The following AKAP9 variants were observed in gnomAD, a reference collection of about 807,000 sequenced individuals.
AKAP9 encodes the protein A-kinase anchor protein 9.
A neutral mutation model predicts 488.5 loss-of-function variants in AKAP9; 311 were observed. The ratio of observed to expected loss-of-function variants is 0.64; its 90% CI spans 0.58 to 0.70. The LOEUF is 0.70. Among genes scored for constraint, AKAP9 ranks in the 30% least tolerant of loss-of-function variants. AKAP9 has a pLI of 0.00. For synonymous variants in AKAP9, 1,462 were observed against 1,483.5 expected, an observed-to-expected ratio of 0.99 and a Z score of 0.33; for missense variants, 4,215 against 4,374.5, an observed-to-expected ratio of 0.96 and a Z score of 1.03.
At chr7:92,056,245 T>C (rs909767653) in intron 22 of AKAP9, among the ~76,000 whole-genome samples, 1 of 151,986 alleles carries the variant, frequency 6.6e-6, no homozygotes, top group Non-Finnish European at 1.5e-5. Flanking sequence ...TTATAAAGGG[T>C]TGTTTCTTAC....
intron 1 of AKAP9, among the ~76,000 whole-genome samples, chr7:91,960,043 T>C (rs570313536): frequency 3.3e-5 from 5 of 152,342 alleles, no homozygotes; most frequent in African/African-American, 1.2e-4. Flanking sequence ...TTAGCATTCA[T>C]GTTTATCATT....
chr7:92,079,576 A>G lies in AKAP9; in HGVS notation c.7443A>G (p.Thr2481=), dbSNP rs904558658. The change falls in exon 31 of 50, where the codon ACA becomes ACG. Residue 2481 remains threonine, a synonymous_variant. Transcript: ENST00000356239. ...EDALKSLENQ[T]YFKSFEENGK... ...CTCTTAAATCCCTAGAAAATCAGACATACTTCAAATCTTTTGAAGAAAATG... is the reference window on the plus strand; with the variant it reads ...CTCTTAAATCCCTAGAAAATCAGACGTACTTCAAATCTTTTGAAGAAAATG... The G allele has an allele frequency of 6.2e-7, 1 of 1,613,816 alleles. No homozygotes were observed. Among genetic ancestry groups the G allele is most frequent in the Non-Finnish European group, 8.5e-7 (1 of 1,179,990 alleles).
At chr7:92,083,047 T>G (rs1467203589) in intron 32 of AKAP9, 123 bp from the exon 33 acceptor site, 6 of 1,168,466 alleles carry the variant, frequency 5.1e-6, no homozygotes, top group Non-Finnish European at 1.2e-6. Context: ...ATGTTTTTCC[T>G]ACTACTCTGA....
chr7:92,037,634 A>G (rs539433216), intron 16 of AKAP9, among the ~76,000 whole-genome samples: 28 of 152,350 alleles, frequency 1.8e-4, no homozygotes, highest in African/African-American at 6.3e-4. Flanking sequence ...ATGGGAGGCT[A>G]GAATAAGCAG....
chr7:92,079,633 G>C lies in AKAP9; in HGVS notation c.7500G>C (p.Arg2500Ser), dbSNP rs760363140. ...GKGSIINLET[R>S]LLQLESTVSA... is the part of the protein sequence containing the mutation. ...GTTCCATAATTAATTTGGAAACAAG[G>C]TTGCTACAACTTGAGAGCACTGTTA... Residue 2500 changes from arginine (R) to serine (S), a missense_variant, in exon 31 of 50, where the codon AGG (arginine) becomes AGC (serine). Arg to Ser is a moderately radical substitution (Grantham distance 110). Transcript: ENST00000356239. 1 of 1,613,770 alleles carries C rather than the reference G, an allele frequency of 6.2e-7. No homozygotes were observed. The highest frequency in any genetic ancestry group is 8.5e-7 in the Non-Finnish European group (1 of 1,179,960).
At chr7:92,093,046 C>G (rs906151983) in intron 38 of AKAP9, 51 bp from the exon 39 acceptor site, 1 of 1,475,060 alleles carries the variant, frequency 6.8e-7, no homozygotes, top group African/African-American at 1.4e-5. Flanking sequence ...ATTTATAAAC[C>G]AAATATGAGT....
At chr7:92,077,035 G>T (rs373101085) in intron 29 of AKAP9, 28 bp downstream of exon 29, 1 of 1,321,288 alleles carries the variant, frequency 7.6e-7, no homozygotes, top group East Asian at 2.5e-5. Context: ...ACTTTTATCT[G>T]TAAATAAGTC....
chr7:91,969,287 T>A (rs759537360), intron 1 of AKAP9, among the ~76,000 whole-genome samples: 1 of 152,188 alleles, frequency 6.6e-6, no homozygotes, highest in East Asian at 1.9e-4. Flanking sequence ...ATACTTGATA[T>A]GATTTCTACC....
intron 18 of AKAP9, 127 bp downstream of exon 18, chr7:92,041,025 A>G (rs1384256190): frequency 1.4e-6 from 1 of 717,576 alleles, no homozygotes; most frequent in East Asian, 2.7e-5. Flanking sequence ...TTTTTGCCGA[A>G]ATCTGAATAA....
chr7:92,070,258 C>T, intron 27 of AKAP9, 52 bp downstream of exon 27: 6 of 1,554,318 alleles, frequency 3.9e-6, no homozygotes, highest in Non-Finnish European at 4.4e-6. Flanking sequence ...GAAGAATACT[C>T]TTAAATTGTC....
chr7:92,033,256 AAAAGACTCTTCT>A (rs543903706), intron 16 of AKAP9, among the ~76,000 whole-genome samples: 1 of 152,114 alleles, frequency 6.6e-6, no homozygotes, highest in Non-Finnish European at 1.5e-5. Context: ...ATTTAAAAAA[AAAAGACTCTTCT>A]AAATGCAGCC....
At chr7:91,998,893 ATAATAT>A (rs1798765732) in intron 7 of AKAP9, among the ~76,000 whole-genome samples, 1 of 152,148 alleles carries the variant, frequency 6.6e-6, no homozygotes, top group Admixed American at 6.5e-5. Flanking sequence ...AGAGGAAATA[ATAATAT>A]TTATATTGTA....
At chr7:92,089,871 G>T in intron 38 of AKAP9, 1 of 173,742 alleles carries the variant, frequency 5.8e-6, no homozygotes, top group South Asian at 1.5e-4. Context: ...CACAATGCAT[G>T]TAACTAATTA....
intron 28 of AKAP9, among the ~76,000 whole-genome samples, chr7:92,071,502 T>C (rs2130845229): frequency 6.6e-6 from 1 of 151,994 alleles, no homozygotes; most frequent in Admixed American, 6.6e-5. Flanking sequence ...AGTAAAGCAA[T>C]TAAGCAATTA....
rs76775274 is a variant in AKAP9 at position 92,083,733 on chromosome 7, T to C, written c.8646+78T>C. The C allele has an allele frequency of 0.013, 19,408 of 1,500,576 alleles. 163 individuals are homozygous for C. The highest frequency in any genetic ancestry group is 0.015 in the Non-Finnish European group (16,867 of 1,109,806). The allele number at this position is 1,500,576 out of a possible 1,614,324, so 93.0% of individuals were successfully genotyped here. ...AAAAAAATCAGTTTAATTCATTTTG[T>C]AGATGACAAACCAAAATGCAACTCA... On this transcript the variant is annotated intron_variant, in intron 33 of 49. Transcript: ENST00000356239.
intron 3 of AKAP9, among the ~76,000 whole-genome samples, chr7:91,990,512 C>T (rs993645759): frequency 1.3e-5 from 2 of 151,940 alleles, no homozygotes; most frequent in African/African-American, 4.8e-5. Flanking sequence ...TTTATTATAA[C>T]ATAAATATGT....
rs769545901 is a variant in AKAP9, at chr7:92,022,829, G to A, written c.3968G>A (p.Ser1323Asn). 6.3e-7 allele frequency: 1 copy of A among 1,594,924 alleles called. No homozygotes were observed. Among genetic ancestry groups the A allele is most frequent in the Middle Eastern group, 1.7e-4 (1 of 5,938 alleles). The change falls in exon 14 of 50, where the codon AGC becomes AAC. Residue 1323 changes from serine to asparagine, a missense_variant. Coordinates refer to ENST00000356239, the MANE Select transcript of AKAP9 (RefSeq NM_005751.5). ...TATAACATAGATGTCAATCATAAAA[G>A]CAAGTTATCTTCTCTGCAAGATCTT... ...NLEDIDVNHKSKLSSLQDLEK... is the reference protein window; with the variant it reads ...NLEDIDVNHKNKLSSLQDLEK...
At chr7:92,042,001 C>A in intron 18 of AKAP9, 45 bp from the exon 19 acceptor site, 2 of 1,602,486 alleles carry the variant, frequency 1.2e-6, no homozygotes, top group Non-Finnish European at 1.7e-6. Context: ...TACCCTTTTT[C>A]TCTATCACAA....
intron 3 of AKAP9, among the ~76,000 whole-genome samples, chr7:91,989,323 C>G (rs1797488412): frequency 6.6e-6 from 1 of 152,048 alleles, no homozygotes; most frequent in Admixed American, 6.5e-5. Context: ...TCCAAGATCT[C>G]TTTTGTAGAA....
Sources: gnomAD v4.1 joint callset for allele counts (sites outside exome capture counted in the v4.1 genomes callset) on GRCh38, gnomAD v4.1.1 for gene constraint, MANE v1.5 for transcripts, NCBI Gene and HGNC (gene_info 2026-07-23, HGNC 2026-07-21) for gene names.